Variants in GAPVD1 observed in about 807,000 individuals in gnomAD.
GAPVD1 encodes the protein GTPase-activating protein and VPS9 domain-containing protein 1.
Under a neutral mutation model 155.5 loss-of-function variants are expected in GAPVD1, and 35 were observed. That is an observed-to-expected ratio of 0.23 (90% CI 0.17 to 0.30). The LOEUF (loss-of-function observed/expected upper bound fraction) is 0.30, where lower values mean the gene tolerates loss of function less well. GAPVD1 is among the 10% of genes least tolerant of loss of function. GAPVD1 has a pLI of 1.00. For synonymous variants in GAPVD1, 636 were observed against 619.7 expected, an observed-to-expected ratio of 1.03 and a Z score of -0.39; for missense variants, 1,429 against 1,775.7, an observed-to-expected ratio of 0.80 and a Z score of 3.51.
chr9:125,310,845 T>TC (rs1290454886), intron 8 of GAPVD1, among the ~76,000 whole-genome samples: 4 of 138,828 alleles, frequency 2.9e-5, no homozygotes, highest in South Asian at 4.6e-4. Flanking sequence ...GCCTTCTTCT[T>TC]TTTTTTTTTT....
intron 2 of GAPVD1, among the ~76,000 whole-genome samples, chr9:125,280,396 CAAAAAAAAAAAA>C (rs750354567): frequency 1.2e-4 from 7 of 57,336 alleles, no homozygotes; most frequent in Non-Finnish European, 1.6e-4. Flanking sequence ...AAGTCCATCT[CAAAAAAAAAAAA>C]AAAAAAAAAA....
chr9:125,308,205 G>C lies in GAPVD1; in HGVS notation c.1441+325G>C, dbSNP rs563383337. The C allele has an allele frequency of 1.4e-4, 51 of 369,164 alleles. No homozygotes were observed. In the South Asian group the frequency reaches 2.1e-3, roughly 15 times the overall value. 22.9% of individuals were successfully genotyped at this position (369,164 alleles called of 1,614,324 possible). On this transcript the variant is annotated intron_variant, in intron 8 of 27. Transcript: ENST00000297933. ...TTAAAACTATGTAGCCCTCAGCCTG[G>C]TGTGGTGGCACGTGCCTGTGGTCCC... is the stretch of plus-strand genomic sequence containing the variant.
intron 19 of GAPVD1, among the ~76,000 whole-genome samples, chr9:125,345,478 C>T (rs986248290): frequency 6.6e-6 from 1 of 152,138 alleles, no homozygotes; most frequent in African/African-American, 2.4e-5. Context: ...CCGTGCCCAG[C>T]CTAATACAGT....
Position 125,307,834 on chromosome 9 carries a change from A to G in GAPVD1, c.1395A>G (p.Leu465=), listed in dbSNP as rs557887500. 3 of 1,613,544 alleles carry G rather than the reference A, an allele frequency of 1.9e-6. No homozygotes were observed. The highest frequency in any genetic ancestry group is 2.5e-6 in the Non-Finnish European group (3 of 1,179,434). ...LEMTPYNTPQ[L]SPATTPANKK... ...TGACTCCCTACAATACACCTCAGCT[A>G]TCTCCAGCAACCACTCCAGCAAATA... is the stretch of plus-strand genomic sequence containing the variant. Residue 465 remains leucine, a synonymous_variant, in exon 8 of 28, where the codon CTA becomes CTG. Transcript: ENST00000297933.
intron 1 of GAPVD1, chr9:125,263,529 T>G (rs1833312745): frequency 1.0e-5 from 4 of 387,718 alleles, no homozygotes; most frequent in African/African-American, 2.2e-5. Flanking sequence ...AGAACTGTTG[T>G]TTTTTTTTTT....
At chr9:125,284,818 ATACTC>A (rs1375536436) in intron 2 of GAPVD1, among the ~76,000 whole-genome samples, 3 of 152,190 alleles carry the variant, frequency 2.0e-5, no homozygotes, top group South Asian at 2.1e-4. Context: ...ACTGTACTGA[ATACTC>A]TAGGCAATTA....
In GAPVD1 at chr9:125,339,457, C is replaced by T. The variant is rs187386918; in HGVS notation, c.2878-1720C>T. Reference sequence around the variant, plus strand: ...ACTTTCTGGCAAAAGATGTTATAGGCGGATACTGTACTTTGTCCTAGTTAG... The same window carrying T: ...ACTTTCTGGCAAAAGATGTTATAGGTGGATACTGTACTTTGTCCTAGTTAG... On this transcript the variant is annotated intron_variant, in intron 17 of 27. Transcript: ENST00000297933. 2.8e-4 allele frequency among the ~76,000 whole-genome samples: 42 copies of T among 152,310 alleles called. No homozygotes were observed. The East Asian group carries it at 7.5e-3, about 27-fold the overall frequency.
chr9:125,359,545 T>G, intron 26 of GAPVD1, 53 bp downstream of exon 26: 2 of 873,178 alleles, frequency 2.3e-6, no homozygotes, highest in Non-Finnish European at 2.0e-6. Context: ...TGCGTGTTAT[T>G]ATACCATATA....
intron 8 of GAPVD1, among the ~76,000 whole-genome samples, chr9:125,311,943 C>T (rs1842739991): frequency 6.6e-6 from 1 of 152,112 alleles, no homozygotes; most frequent in African/African-American, 2.4e-5. Context: ...TGGTCTCGAA[C>T]TCCTGAATTC....
intron 2 of GAPVD1, among the ~76,000 whole-genome samples, chr9:125,280,380 G>A (rs1836577183): frequency 1.3e-5 from 1 of 74,410 alleles, no homozygotes; most frequent in African/African-American, 6.0e-5. Flanking sequence ...TGGGCAACAA[G>A]AGCAAAAGTC....
chr9:125,266,414 C>T (rs922391333), intron 1 of GAPVD1, among the ~76,000 whole-genome samples: 7 of 151,626 alleles, frequency 4.6e-5, no homozygotes, highest in South Asian at 2.1e-4. Context: ...CCCGAGTTCA[C>T]GCCATTCTCC....
chr9:125,277,819 G>A (rs893531157), intron 2 of GAPVD1, among the ~76,000 whole-genome samples: 4 of 151,628 alleles, frequency 2.6e-5, no homozygotes, highest in African/African-American at 9.7e-5. Context: ...TCAGGTGCAT[G>A]CCACACCCAG....
rs1035914667 is a variant in GAPVD1 at position 125,365,454 on chromosome 9, C to T, written c.*2708C>T. The T allele has an allele frequency of 1.3e-5, 2 of 151,858 alleles. No homozygotes were observed. The highest frequency in any genetic ancestry group is 2.9e-5 in the Non-Finnish European group (2 of 67,996). 9.4% of individuals were successfully genotyped at this position (151,858 alleles called of 1,614,324 possible). On this transcript the variant is annotated 3_prime_UTR_variant, in exon 28 of 28. Coordinates refer to ENST00000297933, the MANE Select transcript of GAPVD1 (RefSeq NM_001282680.3). ...ATCAGCCCAGGAAACATTCAGCAGC[C>T]ACTAGTTACTACATAGAATTTATAA...
At chr9:125,278,404 C>G (rs1482665115) in intron 2 of GAPVD1, among the ~76,000 whole-genome samples, 3 of 151,980 alleles carry the variant, frequency 2.0e-5, no homozygotes, top group Admixed American at 6.6e-5. Flanking sequence ...GCTGGTAATC[C>G]CAGGTACTCG....
intron 2 of GAPVD1, among the ~76,000 whole-genome samples, chr9:125,293,053 A>G (rs917254401): frequency 1.3e-5 from 2 of 152,202 alleles, no homozygotes; most frequent in Admixed American, 1.3e-4. Context: ...TCCAGTTGTC[A>G]TGGATTTATG....
intron 27 of GAPVD1, 146 bp from the exon 28 acceptor site, chr9:125,362,460 A>G: frequency 6.3e-6 from 4 of 633,742 alleles, no homozygotes. Flanking sequence ...TAGGGTTCAC[A>G]GATTACTTCC....
At chr9:125,349,331 G>C in intron 20 of GAPVD1, 59 bp from the exon 21 acceptor site, 1 of 1,466,658 alleles carries the variant, frequency 6.8e-7, no homozygotes, top group Non-Finnish European at 9.5e-7. Context: ...ATACCTACTA[G>C]TGCCATAATA....
intron 2 of GAPVD1, among the ~76,000 whole-genome samples, chr9:125,285,954 T>C (rs1837625778): frequency 2.0e-5 from 3 of 151,654 alleles, no homozygotes; most frequent in Admixed American, 2.0e-4. Context: ...ACTACAGGCA[T>C]GCGCGATCAC....
chr9:125,290,729 C>CA (rs1490141540), intron 2 of GAPVD1, among the ~76,000 whole-genome samples: 2 of 152,058 alleles, frequency 1.3e-5, no homozygotes, highest in African/African-American at 2.4e-5. Flanking sequence ...TGATAATAGC[C>CA]AGACATGGTG....
Sources: allele counts gnomAD v4.1 joint callset (sites outside exome capture counted in the v4.1 genomes callset), GRCh38; gene constraint gnomAD v4.1.1; transcripts MANE v1.5; gene names NCBI Gene and HGNC (gene_info 2026-07-23, HGNC 2026-07-21).